HDAC9: variants seen among roughly 807,000 people sequenced by gnomAD.
HDAC9 encodes histone deacetylase 9.
HDAC9 carries 41 observed loss-of-function variants against 139.4 expected under a neutral mutation model. The ratio of observed to expected loss-of-function variants is 0.29; its 90% CI spans 0.23 to 0.38. The LOEUF is 0.38. Among genes scored for constraint, HDAC9 ranks in the 10% least tolerant of loss-of-function variants. The probability of loss-of-function intolerance (pLI) is 1.00; values close to 1 mark genes in which losing one functional copy is unlikely to be tolerated. For synonymous variants in HDAC9, 517 were observed against 476.2 expected (o/e 1.09, Z -1.12); for missense variants, 1,147 against 1,297.0 (o/e 0.88, Z 1.78).
intron 6 of HDAC9, among the ~76,000 whole-genome samples, chr7:18,600,446 A>G (rs1833651984): frequency 6.6e-6 from 1 of 152,196 alleles, no homozygotes; most frequent in African/African-American, 2.4e-5. Flanking sequence ...ATTCGTTTTG[A>G]GAAACTTTCA....
At chr7:18,932,848 A>AAG (rs1804880976) in intron 22 of HDAC9, among the ~76,000 whole-genome samples, 4 of 138,204 alleles carry the variant, frequency 2.9e-5, no homozygotes, top group African/African-American at 1.1e-4. Context: ...AGGAAGGAAA[A>AAG]AAAGAAAGAA....
At chr7:18,126,934 A>G (rs1784710199) in intron 1 of HDAC9, among the ~76,000 whole-genome samples, 1 of 152,196 alleles carries the variant, frequency 6.6e-6, no homozygotes, top group Admixed American at 6.5e-5. Context: ...GTATCTTTCT[A>G]ATCCAAGTTA....
chr7:18,966,870 A>G (rs1000627765), intron 24 of HDAC9, among the ~76,000 whole-genome samples: 9 of 152,144 alleles, frequency 5.9e-5, no homozygotes, highest in Admixed American at 2.0e-4. Context: ...ATACATTGCA[A>G]CTTCACTATG....
intron 1 of HDAC9, among the ~76,000 whole-genome samples, chr7:18,325,870 G>A (rs192859511): frequency 6.6e-6 from 1 of 152,144 alleles, no homozygotes. Flanking sequence ...CTACAGGTCT[G>A]TAGCCTAGGA....
chr7:18,538,594 T>A (rs1377942102), intron 2 of HDAC9, among the ~76,000 whole-genome samples: 3 of 152,230 alleles, frequency 2.0e-5, no homozygotes, highest in Non-Finnish European at 4.4e-5. Context: ...ACTTGACTCA[T>A]GTGTGCAGTT....
chr7:18,741,004 A>T (rs765136372), intron 13 of HDAC9, among the ~76,000 whole-genome samples: 1 of 152,184 alleles, frequency 6.6e-6, no homozygotes, highest in Non-Finnish European at 1.5e-5. Context: ...GAAGTTGCTG[A>T]AGAAAAGTTG....
chr7:18,772,476 A>C (rs1321881941), intron 16 of HDAC9, among the ~76,000 whole-genome samples: 1 of 152,062 alleles, frequency 6.6e-6, no homozygotes, highest in Non-Finnish European at 1.5e-5. Flanking sequence ...ACATCAGCAG[A>C]AAGAGGAGGG....
At chr7:18,503,216 T>C (rs990192870) in intron 2 of HDAC9, among the ~76,000 whole-genome samples, 5 of 152,200 alleles carry the variant, frequency 3.3e-5, no homozygotes, top group African/African-American at 1.2e-4. Flanking sequence ...CCCCCTGTTT[T>C]TGAAAGGAAG....
chr7:18,904,700 C>T (rs147251028), intron 22 of HDAC9, among the ~76,000 whole-genome samples: 8,954 of 150,300 alleles, frequency 0.06, 358 homozygotes, highest in African/African-American at 0.11. Flanking sequence ...CTCAGCCTTC[C>T]GAGTAGCTGG....
intron 22 of HDAC9, chr7:18,906,849 A>G (rs576157967): frequency 3.9e-5 from 6 of 152,358 alleles, no homozygotes; most frequent in African/African-American, 1.2e-4. Context: ...AAGGAATGTG[A>G]TAACAGCTGA....
intron 22 of HDAC9, among the ~76,000 whole-genome samples, chr7:18,876,958 T>C (rs1219709861): frequency 1.3e-5 from 2 of 152,102 alleles, no homozygotes; most frequent in African/African-American, 4.8e-5. Context: ...TGCCTTGGCC[T>C]CCCAAAGTGC....
At chr7:18,559,519 G>A (rs1050608288) in intron 2 of HDAC9, among the ~76,000 whole-genome samples, 3 of 152,148 alleles carry the variant, frequency 2.0e-5, no homozygotes, top group East Asian at 1.9e-4. Flanking sequence ...TGAGGAGGAG[G>A]GGGTAGGGAC....
At chr7:18,220,434 C>G (rs1418508014) in intron 2 of HDAC9, among the ~76,000 whole-genome samples, 1 of 152,086 alleles carries the variant, frequency 6.6e-6, no homozygotes, top group African/African-American at 2.4e-5. Context: ...GGAACCAGCT[C>G]TTAAGTGTAT....
At chr7:18,873,081 G>A (rs1799054769) in intron 21 of HDAC9, among the ~76,000 whole-genome samples, 2 of 152,162 alleles carry the variant, frequency 1.3e-5, no homozygotes, top group Non-Finnish European at 2.9e-5. Context: ...AGGAAAAATA[G>A]TGAATTTATT....
intron 12 of HDAC9, among the ~76,000 whole-genome samples, chr7:18,704,896 A>C (rs952447486): frequency 6.6e-6 from 1 of 152,220 alleles, no homozygotes; most frequent in African/African-American, 2.4e-5. Flanking sequence ...GGTTTTCAGC[A>C]TTTTATAAGA....
chr7:18,797,438 A>C (rs1318840316), intron 17 of HDAC9, among the ~76,000 whole-genome samples: 4 of 152,222 alleles, frequency 2.6e-5, no homozygotes, highest in African/African-American at 9.6e-5. Context: ...TCCTCATCCA[A>C]TTTAAGAATT....
chr7:18,547,861 C>CCTTCCT (rs1563230225), intron 2 of HDAC9, among the ~76,000 whole-genome samples: 101 of 20,994 alleles, frequency 4.8e-3, no homozygotes, highest in African/African-American at 9.1e-3. Flanking sequence ...CCTTCCTACC[C>CCTTCCT]TCCCTCCCTC....
At chr7:18,440,282 TAA>T in intron 1 of HDAC9, among the ~76,000 whole-genome samples, 1 of 152,002 alleles carries the variant, frequency 6.6e-6, no homozygotes, top group Non-Finnish European at 1.5e-5. Flanking sequence ...CCTCCCAGGT[TAA>T]AGTTATTCTC....
At chr7:18,838,882 C>G (rs1487954364) in intron 21 of HDAC9, among the ~76,000 whole-genome samples, 1 of 151,852 alleles carries the variant, frequency 6.6e-6, no homozygotes, top group Non-Finnish European at 1.5e-5. Flanking sequence ...ATTTTACTAG[C>G]CAAAATTTGT....
Sources: gnomAD v4.1 joint callset for allele counts (sites outside exome capture counted in the v4.1 genomes callset) on GRCh38, gnomAD v4.1.1 for gene constraint, MANE v1.5 for transcripts, NCBI Gene and HGNC (gene_info 2026-07-23, HGNC 2026-07-21) for gene names.